CHRM2: variants seen among roughly 807,000 people sequenced by gnomAD.
CHRM2 encodes the protein muscarinic acetylcholine receptor M2.
CHRM2 carries 8 observed loss-of-function variants against 25.0 expected under a neutral mutation model. The observed-to-expected ratio is 0.32, with a 90% CI of 0.19 to 0.58. The LOEUF (loss-of-function observed/expected upper bound fraction) is 0.58, where lower values mean the gene tolerates loss of function less well. Among genes scored for constraint, CHRM2 ranks in the 20% least tolerant of loss-of-function variants. CHRM2 has a pLI of 0.88. For synonymous variants in CHRM2, 202 were observed against 205.7 expected (o/e 0.98, Z 0.15); for missense variants, 440 against 567.1 (o/e 0.78, Z 2.28).
chr7:136,968,932 G>A (rs1388033095), intron 2 of CHRM2, among the ~76,000 whole-genome samples: 5 of 151,834 alleles, frequency 3.3e-5, no homozygotes, highest in African/African-American at 1.2e-4. Flanking sequence ...GTGATCATAT[G>A]AGCATTAAAA....
intron 2 of CHRM2, among the ~76,000 whole-genome samples, chr7:136,984,766 T>G (rs981136810): frequency 6.6e-6 from 1 of 151,842 alleles, no homozygotes; most frequent in South Asian, 2.1e-4. Context: ...TTGCCCTCCA[T>G]GGGCTGCATC....
chr7:137,010,479 C>T (rs558804959), intron 3 of CHRM2, among the ~76,000 whole-genome samples: 1 of 152,052 alleles, frequency 6.6e-6, no homozygotes, highest in South Asian at 2.1e-4. Context: ...TTAACACCAC[C>T]CTATGATGCC....
At chr7:136,930,898 C>CAAAAAAAAAAAAAAAAAAAAAAAAA (rs57705639) in intron 2 of CHRM2, among the ~76,000 whole-genome samples, 10 of 61,152 alleles carry the variant, frequency 1.6e-4, no homozygotes, top group East Asian at 1.1e-3. Flanking sequence ...CTCATTCTCT[C>CAAAAAAAAAAAAAAAAAAAAAAAAA]AAAAAAAAAA....
intron 2 of CHRM2, among the ~76,000 whole-genome samples, chr7:136,872,457 T>C (rs1795879224): frequency 1.3e-5 from 2 of 152,162 alleles, no homozygotes; most frequent in Non-Finnish European, 2.9e-5. Context: ...CAAAAACACA[T>C]ATTGCTCTAA....
intron 3 of CHRM2, among the ~76,000 whole-genome samples, chr7:137,007,191 G>A (rs1804500857): frequency 6.6e-6 from 1 of 152,052 alleles, no homozygotes; most frequent in Non-Finnish European, 1.5e-5. Flanking sequence ...CTTGCTCCAT[G>A]GTTTCTCAGC....
chr7:136,926,497 C>G (rs561603543), intron 2 of CHRM2, among the ~76,000 whole-genome samples: 4 of 152,136 alleles, frequency 2.6e-5, no homozygotes, highest in Non-Finnish European at 5.9e-5. Flanking sequence ...ATGTTTATAA[C>G]TCTCAGATCT....
intron 2 of CHRM2, among the ~76,000 whole-genome samples, chr7:136,891,788 C>T (rs1198060454): frequency 6.6e-6 from 1 of 152,142 alleles, no homozygotes; most frequent in African/African-American, 2.4e-5. Context: ...AATCCAGCCA[C>T]TTCCCCATGC....
intron 2 of CHRM2, among the ~76,000 whole-genome samples, chr7:136,912,364 G>T (rs1289897121): frequency 6.6e-6 from 1 of 151,886 alleles, no homozygotes; most frequent in Non-Finnish European, 1.5e-5. Flanking sequence ...CCAACAGAAT[G>T]CCCAAAAGAA....
intron 2 of CHRM2, among the ~76,000 whole-genome samples, chr7:136,914,728 T>C (rs1798014289): frequency 6.6e-6 from 1 of 151,912 alleles, no homozygotes; most frequent in Non-Finnish European, 1.5e-5. Context: ...ATTTATAAAA[T>C]AGGGATGTTA....
intron 2 of CHRM2, among the ~76,000 whole-genome samples, chr7:136,949,881 G>A (rs547261624): frequency 2.3e-4 from 35 of 151,948 alleles, no homozygotes; most frequent in South Asian, 1.2e-3. Flanking sequence ...ATAAGCCTGC[G>A]CTCTAAGGAA....
chr7:136,890,877 G>C (rs934160395), intron 2 of CHRM2, among the ~76,000 whole-genome samples: 1 of 152,096 alleles, frequency 6.6e-6, no homozygotes, highest in African/African-American at 2.4e-5. Context: ...TTGTATATAT[G>C]TGTATGTGTG....
At chr7:137,013,216 C>T (rs1236214741) in intron 3 of CHRM2, among the ~76,000 whole-genome samples, 3 of 151,870 alleles carry the variant, frequency 2.0e-5, no homozygotes, top group Non-Finnish European at 4.4e-5. Context: ...AAGGAATATG[C>T]AACAGTTACA....
intron 3 of CHRM2, among the ~76,000 whole-genome samples, chr7:137,004,754 T>G (rs1181103367): frequency 3.9e-5 from 6 of 152,286 alleles, no homozygotes; most frequent in African/African-American, 1.4e-4. Context: ...CAAAAATCTT[T>G]GCTGAGTTGA....
At chr7:136,922,542 C>CTA (rs1798507895) in intron 2 of CHRM2, among the ~76,000 whole-genome samples, 1 of 152,198 alleles carries the variant, frequency 6.6e-6, no homozygotes, top group Admixed American at 6.6e-5. Flanking sequence ...TTTCCATACT[C>CTA]TATGTCTACA....
intron 2 of CHRM2, among the ~76,000 whole-genome samples, chr7:136,946,754 T>C (rs1263077697): frequency 6.6e-6 from 1 of 152,146 alleles, no homozygotes; most frequent in Non-Finnish European, 1.5e-5. Context: ...GCATCATAAT[T>C]TAAAAATATT....
At chr7:136,894,031 C>A (rs1563049937) in intron 2 of CHRM2, among the ~76,000 whole-genome samples, 1 of 152,152 alleles carries the variant, frequency 6.6e-6, no homozygotes. Context: ...ACCCTAGAGT[C>A]CTAGTATTAT....
intron 2 of CHRM2, among the ~76,000 whole-genome samples, chr7:136,891,919 T>C (rs1305369815): frequency 6.6e-6 from 1 of 152,248 alleles, no homozygotes; most frequent in Non-Finnish European, 1.5e-5. Context: ...CAGCACCTTG[T>C]CTGTTTCCCT....
At chr7:137,000,579 G>GGAAGGAAGGAAGGAAGGAAA (rs1803956872) in intron 3 of CHRM2, among the ~76,000 whole-genome samples, 1 of 149,856 alleles carries the variant, frequency 6.7e-6, no homozygotes. Flanking sequence ...AAGGAAGGAA[G>GGAAGGAAGGAAGGAAGGAAA]GAAGGAAGGA....
At chr7:136,910,940 G>T (rs1000261290) in intron 2 of CHRM2, among the ~76,000 whole-genome samples, 14 of 151,578 alleles carry the variant, frequency 9.2e-5, no homozygotes, top group African/African-American at 3.4e-4. Context: ...TATTTTATAT[G>T]TCCCCATATA....
Sources: allele counts gnomAD v4.1 joint callset (sites outside exome capture counted in the v4.1 genomes callset), GRCh38; gene constraint gnomAD v4.1.1; transcripts MANE v1.5; gene names NCBI Gene and HGNC (gene_info 2026-07-23, HGNC 2026-07-21).